Variants in ANKRD55 observed in about 807,000 individuals in gnomAD.
ANKRD55 encodes ankyrin repeat domain-containing protein 55.
Under a neutral mutation model 60.6 loss-of-function variants are expected in ANKRD55, and 41 were observed. That is an observed-to-expected ratio of 0.68 (90% CI 0.53 to 0.88). ANKRD55 has a LOEUF of 0.88. Among genes scored for constraint, ANKRD55 ranks in the 40% least tolerant of loss-of-function variants. The pLI, the probability that ANKRD55 is intolerant of heterozygous loss-of-function variation, is 0.00. For synonymous variants in ANKRD55, 264 were observed against 290.3 expected, an observed-to-expected ratio of 0.91 and a Z score of 0.92; for missense variants, 732 against 767.6, an observed-to-expected ratio of 0.95 and a Z score of 0.55.
At chr5:56,166,199 TTCTC>T (rs60941066) in intron 5 of ANKRD55, among the ~76,000 whole-genome samples, 6 of 96,116 alleles carry the variant, frequency 6.2e-5, no homozygotes, top group East Asian at 8.9e-4. Context: ...CCTTCCTTCC[TTCTC>T]TCTCTCTCTC....
intron 2 of ANKRD55, among the ~76,000 whole-genome samples, chr5:56,226,370 A>G (rs1026606894): frequency 1.3e-5 from 2 of 152,252 alleles, no homozygotes; most frequent in Non-Finnish European, 2.9e-5. Context: ...ACCTAAAACC[A>G]TAAAAACCCT....
intron 4 of ANKRD55, among the ~76,000 whole-genome samples, chr5:56,173,645 G>T (rs934339713): frequency 7.8e-6 from 1 of 128,698 alleles, no homozygotes; most frequent in Non-Finnish European, 1.6e-5. Flanking sequence ...CCTGGGTTCA[G>T]GTGATTCTCC....
intron 10 of ANKRD55, among the ~76,000 whole-genome samples, chr5:56,107,027 A>C (rs1756503272): frequency 6.6e-6 from 1 of 151,888 alleles, no homozygotes; most frequent in Non-Finnish European, 1.5e-5. Flanking sequence ...AAAAAAAAAA[A>C]AAAATCCCTC....
chr5:56,218,412 C>T (rs958142999), intron 2 of ANKRD55, among the ~76,000 whole-genome samples: 3 of 152,104 alleles, frequency 2.0e-5, no homozygotes, highest in Non-Finnish European at 4.4e-5. Flanking sequence ...GCCATAGCTA[C>T]CCCAACCTTC....
Position 56,111,488 on chromosome 5 carries a change from T to C in ANKRD55, c.1260A>G (p.Glu420=), listed in dbSNP as rs1490262831. ...GCCCCTTACGGGCCAGCGGTTTCTT[T>C]TCTGGTAAGAGATATTTTGAATTGT... The part of the protein sequence containing the change: ...TSDNSKYLLP[E]KKPLARKGLP... Residue 420 remains glutamate (E), a synonymous_variant, in exon 10 of 12, where the codon GAA becomes GAG. Coordinates refer to ENST00000341048, the MANE Select transcript of ANKRD55 (RefSeq NM_024669.3). 4 of 1,614,190 alleles carry C rather than the reference T, an allele frequency of 2.5e-6. No individual in the cohort carries two copies. Among genetic ancestry groups the C allele is most frequent in the East Asian group, 4.5e-5 (2 of 44,876 alleles).
rs145804070 is a variant in ANKRD55, at chr5:56,109,814, C to T, written c.1630+1304G>A. 7.2e-5 allele frequency among the ~76,000 whole-genome samples: 11 copies of T among 152,154 alleles called. No homozygotes were observed. In the East Asian group the frequency reaches 1.2e-3, roughly 16 times the overall value. On this transcript the variant is annotated intron_variant, in intron 10 of 11. Transcript: ENST00000341048. ...GGACGGGTGGATCACGAGGTCAGAT[C>T]GAGACCATCCTGGCTAACATGGTGA...
chr5:56,199,848 A>G (rs542727909), intron 2 of ANKRD55, among the ~76,000 whole-genome samples: 49 of 150,710 alleles, frequency 3.3e-4, no homozygotes, highest in East Asian at 2.1e-3. Context: ...CCGAGATCGC[A>G]CCACTACACT....
At chr5:56,139,428 G>A (rs1296190076) in intron 7 of ANKRD55, among the ~76,000 whole-genome samples, 1 of 152,192 alleles carries the variant, frequency 6.6e-6, no homozygotes, top group African/African-American at 2.4e-5. Flanking sequence ...AACGTGGAGG[G>A]AAGAATTTGG....
intron 6 of ANKRD55, among the ~76,000 whole-genome samples, chr5:56,148,588 G>A (rs953945793): frequency 6.6e-6 from 1 of 152,068 alleles, no homozygotes; most frequent in Non-Finnish European, 1.5e-5. Flanking sequence ...GAGTAATTCT[G>A]CGCCTTGAAC....
At chr5:56,174,410 G>T (rs1229848439) in intron 4 of ANKRD55, among the ~76,000 whole-genome samples, 1 of 152,080 alleles carries the variant, frequency 6.6e-6, no homozygotes, top group Non-Finnish European at 1.5e-5. Context: ...CCTTATCCCA[G>T]TTTTCTCTTT....
intron 2 of ANKRD55, among the ~76,000 whole-genome samples, chr5:56,214,975 G>C (rs1428265855): frequency 1.3e-5 from 2 of 152,210 alleles, no homozygotes; most frequent in African/African-American, 4.8e-5. Flanking sequence ...TTTTAAAATA[G>C]CAGACTGTGT....
intron 2 of ANKRD55, among the ~76,000 whole-genome samples, chr5:56,200,320 T>TA (rs551515003): frequency 2.0e-5 from 3 of 152,156 alleles, no homozygotes; most frequent in South Asian, 2.1e-4. Flanking sequence ...GGTTTTTTTT[T>TA]AAAAAAGACA....
At chr5:56,159,969 G>T in intron 5 of ANKRD55, 76 bp from the exon 6 acceptor site, 1 of 1,330,790 alleles carries the variant, frequency 7.5e-7, no homozygotes, top group South Asian at 1.2e-5. Context: ...ATAAAAACAT[G>T]ACCTTAGAAA....
At chr5:56,156,464 G>C (rs941623084) in intron 6 of ANKRD55, among the ~76,000 whole-genome samples, 2 of 152,230 alleles carry the variant, frequency 1.3e-5, no homozygotes, top group Non-Finnish European at 1.5e-5. Context: ...TCCTGGGGTG[G>C]AGAAAAATAG....
intron 2 of ANKRD55, among the ~76,000 whole-genome samples, chr5:56,195,528 C>T (rs190185656): frequency 1.3e-5 from 2 of 152,300 alleles, no homozygotes; most frequent in Admixed American, 1.3e-4. Flanking sequence ...ACTGCAACTT[C>T]TGCCTCCCAG....
At chr5:56,186,743 C>T (rs942322240) in intron 2 of ANKRD55, among the ~76,000 whole-genome samples, 1 of 152,028 alleles carries the variant, frequency 6.6e-6, no homozygotes, top group African/African-American at 2.4e-5. Flanking sequence ...AACATTAGTC[C>T]CCATTAGGAA....
intron 4 of ANKRD55, among the ~76,000 whole-genome samples, chr5:56,175,612 T>C (rs1337909160): frequency 6.6e-6 from 1 of 152,080 alleles, no homozygotes; most frequent in East Asian, 1.9e-4. Flanking sequence ...AGTTGTTAAA[T>C]TGAGCCCTGA....
At chr5:56,147,982 C>A (rs1185245271) in intron 6 of ANKRD55, among the ~76,000 whole-genome samples, 2 of 152,140 alleles carry the variant, frequency 1.3e-5, no homozygotes. Flanking sequence ...TCAGGCTTAG[C>A]AATTGGTATC....
At chr5:56,108,037 T>G (rs532775264) in intron 10 of ANKRD55, among the ~76,000 whole-genome samples, 2 of 151,906 alleles carry the variant, frequency 1.3e-5, no homozygotes, top group Middle Eastern at 6.8e-3. Flanking sequence ...TCCTGGCTAA[T>G]TTTTTTTGTA....
Sources: gnomAD v4.1 joint callset for allele counts (sites outside exome capture counted in the v4.1 genomes callset) on GRCh38, gnomAD v4.1.1 for gene constraint, MANE v1.5 for transcripts, NCBI Gene and HGNC (gene_info 2026-07-23, HGNC 2026-07-21) for gene names.